Variants in PLCG2 observed in about 807,000 individuals in gnomAD.
PLCG2 encodes 1-phosphatidylinositol 4,5-bisphosphate phosphodiesterase gamma-2.
In PLCG2, 69 loss-of-function variants were observed where a neutral mutation model predicts 175.6. The observed-to-expected ratio is 0.39, with a 90% CI of 0.32 to 0.48. The LOEUF (loss-of-function observed/expected upper bound fraction) is 0.48, where lower values mean the gene tolerates loss of function less well. Among genes scored for constraint, PLCG2 ranks in the 20% least tolerant of loss-of-function variants. The pLI, the probability that PLCG2 is intolerant of heterozygous loss-of-function variation, is 0.91. For synonymous variants in PLCG2, 827 were observed against 624.0 expected (o/e 1.33, Z -4.85); for missense variants, 1,798 against 1,650.9 (o/e 1.09, Z -1.54).
intron 30 of PLCG2, 93 bp downstream of exon 30, chr16:81,940,152 C>T (rs1446167206): frequency 4.2e-6 from 5 of 1,187,168 alleles, no homozygotes; most frequent in African/African-American, 1.5e-5. Flanking sequence ...ATGATTTTTC[C>T]TGGTTTGGAT....
intron 2 of PLCG2, among the ~76,000 whole-genome samples, chr16:81,853,507 C>G (rs1439056555): frequency 2.6e-5 from 4 of 152,142 alleles, no homozygotes; most frequent in African/African-American, 9.7e-5. Context: ...TAAAACTGTT[C>G]TACTTCAGAT....
chr16:81,832,714 AT>A (rs1905311059), intron 2 of PLCG2, among the ~76,000 whole-genome samples: 1 of 152,240 alleles, frequency 6.6e-6, no homozygotes, highest in Non-Finnish European at 1.5e-5. Flanking sequence ...AGAATCTACC[AT>A]TTTAATTACA....
intron 2 of PLCG2, among the ~76,000 whole-genome samples, chr16:81,771,868 C>G (rs773659417): frequency 1.3e-5 from 2 of 152,200 alleles, no homozygotes; most frequent in Non-Finnish European, 2.9e-5. Flanking sequence ...ACTGCAACCT[C>G]CACCTCCTGG....
chr16:81,799,783 T>C (rs985675645), intron 2 of PLCG2, among the ~76,000 whole-genome samples: 2 of 151,242 alleles, frequency 1.3e-5, no homozygotes, highest in South Asian at 4.2e-4. Flanking sequence ...TTAGTGGAGA[T>C]GGGGTTTCAC....
At chr16:81,834,332 G>A (rs1335936581) in intron 2 of PLCG2, among the ~76,000 whole-genome samples, 1 of 152,146 alleles carries the variant, frequency 6.6e-6, no homozygotes, top group Non-Finnish European at 1.5e-5. Flanking sequence ...GTGTTCTGCT[G>A]GCTGCTGGCA....
At chr16:81,827,298 C>G (rs1905085902) in intron 2 of PLCG2, among the ~76,000 whole-genome samples, 1 of 151,552 alleles carries the variant, frequency 6.6e-6, no homozygotes, top group South Asian at 2.1e-4. Context: ...GTGATCTTAT[C>G]TCAGTCTCCC....
In PLCG2 at chr16:81,927,051, C is replaced by G. The variant is rs776911250; in HGVS notation, c.2418-31C>G. The G allele has an allele frequency of 5.5e-6, 8 of 1,451,296 alleles. No homozygotes were observed. The South Asian group carries it at 9.1e-5, about 17-fold the overall frequency. 89.9% of individuals were successfully genotyped at this position (1,451,296 alleles called of 1,614,324 possible). Reference sequence around the variant, plus strand: ...GTGGGTAATTCATGCCACCTGGTGACAGCGCCCCCATGTCCTCTCTTCTTA... The same window carrying G: ...GTGGGTAATTCATGCCACCTGGTGAGAGCGCCCCCATGTCCTCTCTTCTTA... On this transcript the variant is annotated intron_variant, in intron 22 of 32. Coordinates refer to ENST00000564138, the MANE Select transcript of PLCG2 (RefSeq NM_002661.5).
chr16:81,850,031 G>A (rs1906326468), intron 2 of PLCG2, among the ~76,000 whole-genome samples: 1 of 152,302 alleles, frequency 6.6e-6, no homozygotes, highest in South Asian at 2.1e-4. Context: ...AGTGCCTAGT[G>A]TCTTTAAAAA....
chr16:81,776,564 G>A (rs1910413112), upstream of PLCG2, among the ~76,000 whole-genome samples: 1 of 152,150 alleles, frequency 6.6e-6, no homozygotes, highest in Admixed American at 6.5e-5. Context: ...GACGACGATT[G>A]TTAATTCTGA....
intron 27 of PLCG2, 128 bp downstream of exon 27, chr16:81,936,506 G>A (rs998996334): frequency 5.5e-5 from 40 of 727,568 alleles, no homozygotes; most frequent in African/African-American, 5.4e-4. Flanking sequence ...GGGACTGCAC[G>A]GTTCAGCAGA....
intron 13 of PLCG2, chr16:81,898,496 T>C (rs1300479342): frequency 6.6e-6 from 1 of 152,194 alleles, no homozygotes; most frequent in Admixed American, 6.5e-5. Flanking sequence ...GAGGCTATGA[T>C]TTACTTGAGC....
intron 29 of PLCG2, 103 bp from the exon 30 acceptor site, chr16:81,939,789 T>G: frequency 2.7e-6 from 2 of 738,416 alleles, no homozygotes; most frequent in Middle Eastern, 3.5e-4. Flanking sequence ...CATATTTATT[T>G]ACATGGTTGC....
At chr16:81,740,065 G>T (rs1352456144) in intron 1 of PLCG2, among the ~76,000 whole-genome samples, 1 of 148,740 alleles carries the variant, frequency 6.7e-6, no homozygotes. Context: ...TTGAGCCTGG[G>T]AGGTGGGGGT....
rs1597158273 is a variant in PLCG2 at position 81,958,340 on chromosome 16, C to G, written c.*342C>G. ...ACGACCTGTGCAGTGAACAGGATTT[C>G]TTTTCTGGCCAAGAAGATTCTACCT... On this transcript the variant is annotated 3_prime_UTR_variant, in exon 33 of 33. Transcript: ENST00000564138. 3.6e-6 allele frequency: 1 copy of G among 275,634 alleles called. No homozygotes were observed. Among genetic ancestry groups the G allele is most frequent in the Non-Finnish European group, 6.9e-6 (1 of 145,984 alleles). 17.1% of individuals were successfully genotyped at this position (275,634 alleles called of 1,614,324 possible).
At chr16:81,880,526 A>G (rs1027395636) in intron 7 of PLCG2, among the ~76,000 whole-genome samples, 1 of 152,188 alleles carries the variant, frequency 6.6e-6, no homozygotes, top group Non-Finnish European at 1.5e-5. Context: ...AAAGAAAGGA[A>G]ACAGGGTTAT....
intron 2 of PLCG2, among the ~76,000 whole-genome samples, chr16:81,809,958 C>A (rs575045843): frequency 6.6e-6 from 1 of 151,974 alleles, no homozygotes; most frequent in Non-Finnish European, 1.5e-5. Context: ...CTTCATCTTT[C>A]TGCCAGTCTT....
At chr16:81,952,240 A>G (rs1322152247) in intron 31 of PLCG2, among the ~76,000 whole-genome samples, 2 of 152,146 alleles carry the variant, frequency 1.3e-5, no homozygotes, top group African/African-American at 2.4e-5. Context: ...AGGTATCAAT[A>G]TAAACTCAAG....
rs146089618 is a variant in PLCG2, at chr16:81,886,341, G to A, written c.766-2831G>A. Among the ~76,000 whole-genome samples the A allele has an allele frequency of 1.7e-4, 26 of 152,316 alleles. 1 individual carries two copies. The East Asian group carries it at 5.0e-3, about 29-fold the overall frequency. On this transcript the variant is annotated intron_variant, in intron 9 of 32. Coordinates refer to ENST00000564138, the MANE Select transcript of PLCG2 (RefSeq NM_002661.5). The stretch of plus-strand genomic sequence containing the variant: ...GACCCGAGCAGCCATGAGCATCCAT[G>A]CGATGTTTGTTGGTCACACAGATGC...
upstream of PLCG2, among the ~76,000 whole-genome samples, chr16:81,776,461 C>G (rs992118703): frequency 6.6e-6 from 1 of 151,954 alleles, no homozygotes; most frequent in Non-Finnish European, 1.5e-5. Context: ...AAAGAATACA[C>G]AGAATGGTTC....
Sources: allele counts gnomAD v4.1 joint callset (sites outside exome capture counted in the v4.1 genomes callset), GRCh38; gene constraint gnomAD v4.1.1; transcripts MANE v1.5; gene names NCBI Gene and HGNC (gene_info 2026-07-23, HGNC 2026-07-21).